ANKH: variants seen among roughly 807,000 people sequenced by gnomAD.
ANKH encodes ANKH inorganic pyrophosphate transport regulator, also known as mineralization regulator ANKH.
A neutral mutation model predicts 49.0 loss-of-function variants in ANKH; 15 were observed. That is an observed-to-expected ratio of 0.31 (90% CI 0.20 to 0.47). The LOEUF (loss-of-function observed/expected upper bound fraction) is 0.47, where lower values mean the gene tolerates loss of function less well. Ranked by LOEUF, ANKH falls within the 20% of genes least tolerant of loss-of-function variation. ANKH has a pLI of 1.00. For missense variants in ANKH, 429 were observed against 652.0 expected (o/e 0.66, Z 3.72); for synonymous variants, 273 against 260.0 (o/e 1.05, Z -0.48).
intron 1 of ANKH, among the ~76,000 whole-genome samples, chr5:14,818,697 C>A (rs1023154408): frequency 1.3e-4 from 19 of 150,548 alleles, no homozygotes. Flanking sequence ...AAGAATTAGA[C>A]CCCTGTGTGC....
At chr5:14,802,728 CT>C (rs1740600467) in intron 1 of ANKH, among the ~76,000 whole-genome samples, 1 of 152,120 alleles carries the variant, frequency 6.6e-6, no homozygotes, top group Non-Finnish European at 1.5e-5. Flanking sequence ...CTGCCTCCCC[CT>C]GGCTGCTCCT....
At chr5:14,740,474 A>G (rs545821678) in intron 8 of ANKH, among the ~76,000 whole-genome samples, 5 of 152,178 alleles carry the variant, frequency 3.3e-5, no homozygotes, top group Admixed American at 1.3e-4. Context: ...GCTATCAGCA[A>G]TTCTTCTGCA....
chr5:14,797,124 T>A, intron 1 of ANKH: 2 of 1,354,428 alleles, frequency 1.5e-6, no homozygotes, highest in South Asian at 2.3e-5. Context: ...AAGACATATT[T>A]AGGACCCTTG....
At chr5:14,809,335 T>TAAAAAA (rs36119317) in intron 1 of ANKH, among the ~76,000 whole-genome samples, 239 of 80,566 alleles carry the variant, frequency 3.0e-3, no homozygotes, top group Non-Finnish European at 3.4e-3. Context: ...TAGAGTATAA[T>TAAAAAA]AAAAAAAAAA....
chr5:14,867,305 C>T (rs548898495), intron 1 of ANKH, among the ~76,000 whole-genome samples: 3 of 152,240 alleles, frequency 2.0e-5, no homozygotes, highest in Middle Eastern at 3.4e-3. Flanking sequence ...ATTTACTACC[C>T]GTGTCATCTT....
At chr5:14,717,605 G>A (rs983831934) in intron 8 of ANKH, among the ~76,000 whole-genome samples, 1 of 152,184 alleles carries the variant, frequency 6.6e-6, no homozygotes, top group Non-Finnish European at 1.5e-5. Flanking sequence ...CTCCCCTTGC[G>A]CAGCTGGTGA....
intron 8 of ANKH, chr5:14,717,226 C>CA (rs1468478838): frequency 3.7e-6 from 1 of 273,176 alleles, no homozygotes; most frequent in East Asian, 8.0e-5. Context: ...CTTTAACAAG[C>CA]AATAAAAAAA....
In ANKH at chr5:14,725,611, G is replaced by T. The variant is rs1206729300; in HGVS notation, c.1012-8776C>A. Among the ~76,000 whole-genome samples the T allele has an allele frequency of 1.3e-5, 2 of 152,256 alleles. No individual in the cohort carries two copies. The highest frequency in any genetic ancestry group is 6.5e-5 in the Admixed American group (1 of 15,292). On this transcript the variant is annotated intron_variant, in intron 8 of 11. Transcript: ENST00000284268. This position sits in a 1 kb window ranked among gnomAD's most constrained non-coding sequence, Gnocchi z 4.0. The stretch of plus-strand genomic sequence containing the variant: ...GATGTCACCTGTGAGTATTCCAGAA[G>T]GTTTCCTGGGACCGTATTCTAACAA...
At chr5:14,797,587 G>C in intron 1 of ANKH, 1 of 1,609,886 alleles carries the variant, frequency 6.2e-7, no homozygotes, top group South Asian at 1.1e-5. Context: ...TCAGCAGTGT[G>C]AGTGTCAACT....
intron 8 of ANKH, among the ~76,000 whole-genome samples, chr5:14,722,149 G>A (rs780352516): frequency 6.6e-6 from 1 of 152,130 alleles, no homozygotes; most frequent in Non-Finnish European, 1.5e-5. Flanking sequence ...AGTTCACCCA[G>A]AGTAGTCTCA....
intron 1 of ANKH, among the ~76,000 whole-genome samples, chr5:14,788,371 A>AATAT (rs1740046394): frequency 6.6e-6 from 1 of 152,212 alleles, no homozygotes; most frequent in South Asian, 2.1e-4. Context: ...CATATATGCA[A>AATAT]ATATACTTCA....
rs73048824 is a variant in ANKH at position 14,711,389 on chromosome 5, C to T, written c.1366-79G>A. 6,686 of 1,298,620 alleles carry T rather than the reference C, an allele frequency of 5.1e-3. 245 individuals carry two copies. The African/African-American group carries it at 0.086, about 17-fold the overall frequency. The allele number at this position is 1,298,620 out of a possible 1,614,324, so 80.4% of individuals were successfully genotyped here. On this transcript the variant is annotated intron_variant, in intron 11 of 11. Coordinates refer to ENST00000284268, the MANE Select transcript of ANKH (RefSeq NM_054027.6). ...CAGAACCACGAGCAGGGAGACAACA[C>T]CGGGGTCTTGGGGGACCCCTCACTG...
chr5:14,757,490 G>T (rs1738939932), intron 3 of ANKH, among the ~76,000 whole-genome samples: 1 of 132,586 alleles, frequency 7.5e-6, no homozygotes, highest in African/African-American at 2.9e-5. Flanking sequence ...AGAAGAGAAT[G>T]AAAAGCACTG....
chr5:14,784,036 G>C (rs1739895739), intron 1 of ANKH, among the ~76,000 whole-genome samples: 1 of 152,262 alleles, frequency 6.6e-6, no homozygotes. Context: ...GGCCCTGGTA[G>C]AGGCTGCAGC....
chr5:14,788,242 C>A (rs1021840521), intron 1 of ANKH: 1 of 152,352 alleles, frequency 6.6e-6, no homozygotes, highest in East Asian at 1.9e-4. Flanking sequence ...TTCTGCCCAT[C>A]CTCTGAGAAC....
Position 14,751,073 on chromosome 5 carries a change from A to C in ANKH, c.683T>G (p.Leu228Arg). 6.2e-7 allele frequency: 1 copy of C among 1,614,236 alleles called. No homozygotes were observed. The highest frequency in any genetic ancestry group is 8.5e-7 in the Non-Finnish European group (1 of 1,180,038). Residue 228 changes from leucine to arginine, a missense_variant, in exon 5 of 12, where the codon CTG becomes CGG. Transcript: ENST00000284268. ...DIIPDRSGPE[L>R]GGDATIRKML... ...CTGTTGGGTTGGTAGACGTACCCCC[A>C]GCTCCGGGCCACTTCTGTCAGGGAT...
rs530205412 is a variant in ANKH, at chr5:14,837,015, G to A, written c.96+34337C>T. On this transcript the variant is annotated intron_variant, in intron 1 of 11. Transcript: ENST00000284268. ...ACAAACCTGACAAAAACAAGAAATG[G>A]GAAAAGGATTCCCTATTTAATAAAT... Among the ~76,000 whole-genome samples, 789 of 152,270 alleles carry A rather than the reference G, an allele frequency of 5.2e-3. 7 individuals carry two copies. The highest frequency in any genetic ancestry group is 0.012 in the South Asian group (57 of 4,826).
chr5:14,817,876 C>T (rs1053978214), intron 1 of ANKH, among the ~76,000 whole-genome samples: 3 of 152,010 alleles, frequency 2.0e-5, no homozygotes, highest in African/African-American at 4.8e-5. Context: ...TGGCCTTGGT[C>T]AACACGGTAA....
chr5:14,767,450 T>G (rs1046533143), intron 2 of ANKH, among the ~76,000 whole-genome samples: 1 of 152,192 alleles, frequency 6.6e-6, no homozygotes, highest in African/African-American at 2.4e-5. Context: ...CTAATAATGA[T>G]TATTAAATAT....
Sources: gnomAD v4.1 joint callset for allele counts (sites outside exome capture counted in the v4.1 genomes callset) on GRCh38, gnomAD v4.1.1 for gene constraint, Gnocchi (gnomAD v3.1) non-coding constraint, MANE v1.5 for transcripts, NCBI Gene and HGNC (gene_info 2026-07-23, HGNC 2026-07-21) for gene names.